The following PRMT7 variants were observed in gnomAD, a reference collection of about 807,000 sequenced individuals.
PRMT7 encodes the protein protein arginine N-methyltransferase 7.
PRMT7 carries 75 observed loss-of-function variants against 85.4 expected under a neutral mutation model. The ratio of observed to expected loss-of-function variants is 0.88; its 90% CI spans 0.73 to 1.06. The LOEUF is 1.06. PRMT7 is among the 50% of genes least tolerant of loss of function. PRMT7 has a pLI of 0.00. For synonymous variants in PRMT7, 397 were observed against 359.5 expected, an observed-to-expected ratio of 1.10 and a Z score of -1.18; for missense variants, 868 against 915.2, an observed-to-expected ratio of 0.95 and a Z score of 0.67.
rs530914035 is a variant in PRMT7 at position 68,358,423 on chromosome 16, G to A, written c.*1199G>A. On this transcript the variant is annotated 3_prime_UTR_variant, in exon 19 of 19. Coordinates refer to ENST00000441236, the MANE Select transcript of PRMT7 (RefSeq NM_019023.5). ...CTCTCTTCGCAAAATATTTTATCAG[G>A]TGTAAAGACTTGTTTTTCTTCTAGG... 2 of 152,682 alleles carry A rather than the reference G, an allele frequency of 1.3e-5. No homozygotes were observed. Among genetic ancestry groups the A allele is most frequent in the South Asian group, 2.1e-4 (1 of 4,838 alleles). 9.5% of individuals were successfully genotyped at this position (152,682 alleles called of 1,614,324 possible).
At chr16:68,356,877 G>C in intron 18 of PRMT7, 80 bp downstream of exon 18, 1 of 1,437,042 alleles carries the variant, frequency 7.0e-7, no homozygotes, top group South Asian at 1.2e-5. Flanking sequence ...CTGCCCCCAT[G>C]CTCTGGGTGT....
intron 3 of PRMT7, among the ~76,000 whole-genome samples, chr16:68,316,284 G>A (rs2081845440): frequency 6.6e-6 from 1 of 152,180 alleles, no homozygotes; most frequent in Non-Finnish European, 1.5e-5. Context: ...ACATTATGTA[G>A]CAGCCTTAGC....
chr16:68,329,114 G>T lies in PRMT7; in HGVS notation c.331G>T (p.Gly111Cys), dbSNP rs767078990. Residue 111 changes from glycine (G) to cysteine (C), a missense_variant, in exon 6 of 19, where the codon GGC becomes TGC. Physicochemically the swap from Gly to Cys is radical, Grantham distance 159. Transcript: ENST00000441236. ...DAAVKIVEKN[G>C]FSDKIKVINK... Reference sequence around the variant, plus strand: ...TGCTGTGAAGATTGTGGAGAAAAATGGCTTTAGTGATAAGATTAAGGTTAT... The same window carrying T: ...TGCTGTGAAGATTGTGGAGAAAAATTGCTTTAGTGATAAGATTAAGGTTAT... 1 of 1,613,022 alleles carries T rather than the reference G, an allele frequency of 6.2e-7. No homozygotes were observed. The highest frequency in any genetic ancestry group is 1.1e-5 in the South Asian group (1 of 91,030).
chr16:68,340,061 T>G, intron 9 of PRMT7, 93 bp downstream of exon 9: 1 of 1,311,322 alleles, frequency 7.6e-7, no homozygotes, highest in Non-Finnish European at 1.0e-6. Flanking sequence ...CCCAGGAGAA[T>G]TTAGAGACAG....
At chr16:68,321,394 A>G (rs537512102) in intron 3 of PRMT7, 32 bp from the exon 4 acceptor site, 3 of 1,568,492 alleles carry the variant, frequency 1.9e-6, no homozygotes, top group East Asian at 2.2e-5. Context: ...GATGTGTATC[A>G]TGCAAAGGTT....
Position 68,312,034 on chromosome 16 carries a change from C to G in PRMT7, c.-218-8C>G, listed in dbSNP as rs2043829343. ...AATAAATTTTGTTATTTTATTTTTT[C>G]GAGACAGAGTCTCACTCTGCTGCCT... is the stretch of plus-strand genomic sequence containing the variant. On this transcript the variant is annotated splice_region_variant and splice_polypyrimidine_tract_variant and intron_variant, in intron 1 of 18. Coordinates refer to ENST00000441236, the MANE Select transcript of PRMT7 (RefSeq NM_019023.5). The G allele has an allele frequency of 6.6e-6, 1 of 151,746 alleles. No individual in the cohort carries two copies. The highest frequency in any genetic ancestry group is 6.6e-5 in the Admixed American group (1 of 15,258). The allele number at this position is 151,746 out of a possible 1,614,324, so 9.4% of individuals were successfully genotyped here. A position where few individuals can be genotyped will look rare whatever the true frequency, so the allele number is the denominator to read the frequency against.
intron 4 of PRMT7, chr16:68,321,861 C>CGACCACCG: frequency 1.2e-5 from 2 of 163,552 alleles, no homozygotes; most frequent in Admixed American, 6.3e-5. Context: ...TGCCGTACAG[C>CGACCACCG]AGATCTCCAC....
Position 68,352,391 on chromosome 16 carries a change from T to C in PRMT7, c.1557T>C (p.Ala519=). 2 of 1,605,330 alleles carry C rather than the reference T, an allele frequency of 1.2e-6. No individual in the cohort carries two copies. The highest frequency in any genetic ancestry group is 1.7e-6 in the Non-Finnish European group (2 of 1,179,246). ...TGCCCCAGGCAGCCTCGCTGCACGC[T>C]GTGGTTGTGGAGTTCAGGGTAGGCC... The part of the protein sequence containing the change: ...MVMPQAASLH[A]VVVEFRDLWR... Residue 519 remains alanine (A), a synonymous_variant, in exon 15 of 19, where the codon GCT becomes GCC. Transcript: ENST00000441236.
chr16:68,314,976 G>A (rs1293332852), intron 2 of PRMT7, among the ~76,000 whole-genome samples: 4 of 151,978 alleles, frequency 2.6e-5, no homozygotes, highest in African/African-American at 7.3e-5. Flanking sequence ...AAATAATGAA[G>A]CATAAGGAAT....
chr16:68,321,339 A>G (rs530432022), intron 3 of PRMT7, 87 bp from the exon 4 acceptor site: 12 of 998,028 alleles, frequency 1.2e-5, no homozygotes, highest in South Asian at 3.1e-5. Flanking sequence ...CGTTTGTTCT[A>G]TCTGTTTAGC....
intron 6 of PRMT7, 68 bp from the exon 7 acceptor site, chr16:68,337,391 C>G: frequency 9.1e-7 from 1 of 1,098,730 alleles, no homozygotes; most frequent in Middle Eastern, 2.0e-4. Context: ...TTATCTTTCC[C>G]ATATTTGCTG....
At chr16:68,321,106 T>C (rs2082435441) in intron 3 of PRMT7, among the ~76,000 whole-genome samples, 1 of 152,034 alleles carries the variant, frequency 6.6e-6, no homozygotes, top group Non-Finnish European at 1.5e-5. Flanking sequence ...CCATCTCTAA[T>C]GTAAATACAA....
At position 68,355,779 on chromosome 16, in the gene PRMT7, C is replaced by T. The variant is rs1180171336; in HGVS notation, c.1707C>T (p.Tyr569=). The T allele has an allele frequency of 6.2e-7, 1 of 1,611,486 alleles. No homozygotes were observed. The highest frequency in any genetic ancestry group is 1.1e-5 in the South Asian group (1 of 90,812). Residue 569 remains tyrosine (Y), a synonymous_variant, in exon 17 of 19, where the codon TAC becomes TAT. Coordinates refer to ENST00000441236, the MANE Select transcript of PRMT7 (RefSeq NM_019023.5). The part of the protein sequence containing the change: ...REAEPHPLWE[Y]PCRSLSEPWQ... ...CTGAGCCCCACCCGCTGTGGGAGTA[C>T]CCATGCCGCAGCCTCTCCGAGCCCT...
intron 9 of PRMT7, 137 bp downstream of exon 9, chr16:68,340,105 TAAAAAGCA>T (rs1288967655): frequency 9.8e-7 from 1 of 1,022,170 alleles, no homozygotes; most frequent in East Asian, 2.6e-5. Context: ...CAAAAGTTTT[TAAAAAGCA>T]AGCAAAGGCT....
intron 4 of PRMT7, 76 bp downstream of exon 4, chr16:68,321,538 T>C: frequency 7.2e-7 from 1 of 1,393,554 alleles, no homozygotes; most frequent in South Asian, 1.2e-5. Context: ...TAAGAATCCC[T>C]GGGGGTCATG....
intron 4 of PRMT7, among the ~76,000 whole-genome samples, chr16:68,323,524 A>G (rs1332364573): frequency 3.3e-5 from 5 of 152,136 alleles, no homozygotes; most frequent in Non-Finnish European, 7.4e-5. Flanking sequence ...CCGGCCTGGT[A>G]ATTCTAAAGA....
Position 68,358,559 on chromosome 16 carries a change from A to G in PRMT7, c.*1335A>G, listed in dbSNP as rs2088984180. On this transcript the variant is annotated 3_prime_UTR_variant, in exon 19 of 19. Transcript: ENST00000441236. ...AGATACAATACAGAAAAAAATACAG[A>G]AATTAAAAAAGTTTTTATAACAGTA... 1 of 152,678 alleles carries G rather than the reference A, an allele frequency of 6.5e-6. No homozygotes were observed. The highest frequency in any genetic ancestry group is 6.5e-5 in the Admixed American group (1 of 15,288). The allele number at this position is 152,678 out of a possible 1,614,324, so 9.5% of individuals were successfully genotyped here.
Position 68,337,589 on chromosome 16 carries a change from C to T in PRMT7, c.504+18C>T, listed in dbSNP as rs758383255. On this transcript the variant is annotated intron_variant, in intron 7 of 18. Coordinates refer to ENST00000441236, the MANE Select transcript of PRMT7 (RefSeq NM_019023.5). The stretch of plus-strand genomic sequence containing the variant: ...TCGTGGAGGTAGTAGACGGAGGGCT[C>T]CCTCAGACGTGTCTGTGGTCTCAGC... 4 of 1,549,788 alleles carry T rather than the reference C, an allele frequency of 2.6e-6. No homozygotes were observed. The Admixed American group carries it at 5.3e-5, about 20-fold the overall frequency.
intron 1 of PRMT7, 66 bp downstream of exon 1, chr16:68,311,165 T>C: frequency 6.4e-6 from 4 of 623,972 alleles, no homozygotes; most frequent in Middle Eastern, 4.2e-4. Flanking sequence ...GAGCATGGTG[T>C]CCTTGGCACC....
Sources: allele counts gnomAD v4.1 joint callset (sites outside exome capture counted in the v4.1 genomes callset), GRCh38; gene constraint gnomAD v4.1.1; transcripts MANE v1.5; gene names NCBI Gene and HGNC (gene_info 2026-07-23, HGNC 2026-07-21).